Variants in C9orf43 observed in about 807,000 individuals in gnomAD.
C9orf43 encodes chromosome 9 open reading frame 43, also known as uncharacterized protein C9orf43.
Under a neutral mutation model 59.1 loss-of-function variants are expected in C9orf43, and 45 were observed. That is an observed-to-expected ratio of 0.76 (90% CI 0.60 to 0.98). The LOEUF (loss-of-function observed/expected upper bound fraction) is 0.98, where lower values mean the gene tolerates loss of function less well. C9orf43 is among the 50% of genes least tolerant of loss of function. C9orf43 has a pLI of 0.00. For synonymous variants in C9orf43, 203 were observed against 196.8 expected (o/e 1.03, Z -0.26); for missense variants, 533 against 554.9 (o/e 0.96, Z 0.40).
chr9:113,412,008 G>A (rs2119047962), intron 1 of C9orf43, among the ~76,000 whole-genome samples: 1 of 152,096 alleles, frequency 6.6e-6, no homozygotes, highest in Admixed American at 6.5e-5. Flanking sequence ...TTTTTTTCCC[G>A]TCAAGCATGC....
At chr9:113,417,335 G>A (rs965944942) in intron 3 of C9orf43, among the ~76,000 whole-genome samples, 5 of 152,130 alleles carry the variant, frequency 3.3e-5, no homozygotes, top group African/African-American at 1.2e-4. Flanking sequence ...ATATTTTTAT[G>A]TTTATCTCCT....
intron 11 of C9orf43, among the ~76,000 whole-genome samples, chr9:113,427,562 TTTTG>T (rs1046868908): frequency 2.0e-5 from 3 of 152,290 alleles, no homozygotes; most frequent in Non-Finnish European, 4.4e-5. Context: ...CCTCAGTGTT[TTTTG>T]TTTGTTTGTT....
intron 5 of C9orf43, among the ~76,000 whole-genome samples, 162 bp from the exon 6 acceptor site, chr9:113,422,387 G>A (rs915253804): frequency 1.3e-5 from 2 of 152,182 alleles, no homozygotes; most frequent in Non-Finnish European, 2.9e-5. Flanking sequence ...TTCCCAACCA[G>A]CTATCTTTGA....
chr9:113,410,941 A>G lies in C9orf43; in HGVS notation c.-110A>G. ...GGAATGGAGTGGGCAGTCTTTTTCC[A>G]TCTCTACCGAAGTTGATGTTCATTT... On this transcript the variant is annotated 5_prime_UTR_variant, in exon 1 of 14. Coordinates refer to ENST00000374165, the MANE Select transcript of C9orf43 (RefSeq NM_001278629.2). The G allele has an allele frequency of 1.0e-6, 1 of 986,236 alleles. No homozygotes were observed. The highest frequency in any genetic ancestry group is 1.1e-4 in the East Asian group (1 of 8,814). The allele number at this position is 986,236 out of a possible 1,614,324, so 61.1% of individuals were successfully genotyped here. A position where few individuals can be genotyped will look rare whatever the true frequency, so the allele number is the denominator to read the frequency against.
At position 113,422,620 on chromosome 9, in the gene C9orf43, A is replaced by G. The variant is rs1347943144; in HGVS notation, c.483+35A>G. ...ATGTTTTTGTGCAAACCTTTATAAT[A>G]TTGCTATGTAGAGTTTATTTTGTTT... On this transcript the variant is annotated intron_variant, in intron 6 of 13. Transcript: ENST00000374165. 4 of 1,611,444 alleles carry G rather than the reference A, an allele frequency of 2.5e-6. No homozygotes were observed. The Admixed American group carries it at 6.7e-5, about 27-fold the overall frequency.
chr9:113,425,181 TACAGGGTC>T (rs1828741805), intron 9 of C9orf43, 105 bp downstream of exon 9: 8 of 1,448,608 alleles, frequency 5.5e-6, no homozygotes, highest in Non-Finnish European at 6.8e-6. Context: ...GCCACAGTCA[TACAGGGTC>T]ACATGTAGAA....
intron 3 of C9orf43, among the ~76,000 whole-genome samples, chr9:113,418,491 A>G (rs1433329261): frequency 2.0e-5 from 3 of 152,264 alleles, no homozygotes; most frequent in African/African-American, 7.2e-5. Flanking sequence ...GTATACATAC[A>G]TACCAATGGT....
chr9:113,419,210 A>G, intron 4 of C9orf43, 45 bp downstream of exon 4: 3 of 1,409,600 alleles, frequency 2.1e-6, no homozygotes, highest in Non-Finnish European at 3.0e-6. Flanking sequence ...TTTTTTCTTT[A>G]CTAGTGGAAA....
intron 3 of C9orf43, among the ~76,000 whole-genome samples, chr9:113,415,491 A>T (rs1024517432): frequency 6.6e-6 from 1 of 151,974 alleles, no homozygotes; most frequent in African/African-American, 2.4e-5. Flanking sequence ...TGTTTGTCTT[A>T]TTTTTAAAAA....
At chr9:113,424,955 G>C in intron 8 of C9orf43, 64 bp from the exon 9 acceptor site, 1 of 1,395,594 alleles carries the variant, frequency 7.2e-7, no homozygotes, top group Admixed American at 1.8e-5. Context: ...GCATTTGGGG[G>C]ATACATTTGG....
intron 1 of C9orf43, among the ~76,000 whole-genome samples, chr9:113,411,295 G>A (rs1467961968): frequency 6.6e-6 from 1 of 151,662 alleles, no homozygotes; most frequent in African/African-American, 2.4e-5. Flanking sequence ...GTTTTGCAAT[G>A]GCGTTTCTTT....
In C9orf43 at chr9:113,423,492, T is replaced by C. The variant is rs755478543; in HGVS notation, c.650T>C (p.Leu217Pro). The C allele has an allele frequency of 6.2e-7, 1 of 1,612,842 alleles. No individual in the cohort carries two copies. Among genetic ancestry groups the C allele is most frequent in the Non-Finnish European group, 8.5e-7 (1 of 1,178,904 alleles). Reference sequence around the variant, plus strand: ...TCCGAAGCGTTACCTCAGGATCTACTGAAGGAGTAAGTATCATGTAGGTCT... The same window carrying C: ...TCCGAAGCGTTACCTCAGGATCTACCGAAGGAGTAAGTATCATGTAGGTCT... ...AQSEALPQDLLKELLPGGKQT... is the reference protein window; with the variant it reads ...AQSEALPQDLPKELLPGGKQT... Residue 217 changes from leucine (L) to proline (P), a missense_variant, in exon 7 of 14, where the codon CTG (leucine) becomes CCG (proline). By Grantham distance (98) the Leu-to-Pro change is moderately conservative. Transcript: ENST00000374165.
intron 1 of C9orf43, among the ~76,000 whole-genome samples, chr9:113,412,978 A>G (rs771233557): frequency 3.5e-4 from 53 of 152,270 alleles, no homozygotes; most frequent in Non-Finnish European, 6.8e-4. Context: ...GGGCCTTCTA[A>G]GACACTTCTG....
At chr9:113,412,435 T>C (rs1298385327) in intron 1 of C9orf43, among the ~76,000 whole-genome samples, 1 of 152,218 alleles carries the variant, frequency 6.6e-6, no homozygotes, top group Non-Finnish European at 1.5e-5. Context: ...TTTATTACTG[T>C]TCATGTCCAA....
At position 113,429,460 on chromosome 9, in the gene C9orf43, G is replaced by A; in HGVS notation, c.*74G>A. ...TCCAAAGCGGGATGGCTGGTATCCTGAGGGCAGCAACGTTTCACATAAGGG... is the reference window on the plus strand; with the variant it reads ...TCCAAAGCGGGATGGCTGGTATCCTAAGGGCAGCAACGTTTCACATAAGGG... On this transcript the variant is annotated 3_prime_UTR_variant, in exon 14 of 14. Transcript: ENST00000374165. The A allele has an allele frequency of 7.5e-7, 1 of 1,326,212 alleles. No individual in the cohort carries two copies. The highest frequency in any genetic ancestry group is 1.1e-6 in the Non-Finnish European group (1 of 937,100). 82.2% of individuals were successfully genotyped at this position (1,326,212 alleles called of 1,614,324 possible).
At chr9:113,426,356 AC>A (rs1235749512) in intron 11 of C9orf43, among the ~76,000 whole-genome samples, 3 of 152,202 alleles carry the variant, frequency 2.0e-5, no homozygotes, top group South Asian at 4.1e-4. Flanking sequence ...GCATATACTT[AC>A]CCCTATCCCT....
In C9orf43 at chr9:113,419,182, A is replaced by T; in HGVS notation, c.345+17A>T. The T allele has an allele frequency of 6.3e-7, 1 of 1,584,862 alleles. No individual in the cohort carries two copies. Among genetic ancestry groups the T allele is most frequent in the Non-Finnish European group, 8.6e-7 (1 of 1,160,224 alleles). Reference sequence around the variant, plus strand: ...CTTCCCAAAGTAAGTCATAGATTTTAAAAGTACTTCTTCAACATTTTTTCT... The same window carrying T: ...CTTCCCAAAGTAAGTCATAGATTTTTAAAGTACTTCTTCAACATTTTTTCT... On this transcript the variant is annotated intron_variant, in intron 4 of 13. Transcript: ENST00000374165.
intron 1 of C9orf43, among the ~76,000 whole-genome samples, chr9:113,413,222 T>A (rs1828236790): frequency 6.6e-6 from 1 of 152,236 alleles, no homozygotes; most frequent in Non-Finnish European, 1.5e-5. Flanking sequence ...AGCTATTAAA[T>A]AGCCAATTAG....
chr9:113,424,676 G>A (rs1390298520), intron 8 of C9orf43, among the ~76,000 whole-genome samples: 2 of 151,964 alleles, frequency 1.3e-5, no homozygotes, highest in Admixed American at 6.6e-5. Context: ...ACAGGTGTGC[G>A]CCACCATGGC....
Sources: gnomAD v4.1 joint callset for allele counts (sites outside exome capture counted in the v4.1 genomes callset) on GRCh38, gnomAD v4.1.1 for gene constraint, MANE v1.5 for transcripts, NCBI Gene and HGNC (gene_info 2026-07-23, HGNC 2026-07-21) for gene names.